Variants in EAF2 observed in about 807,000 individuals in gnomAD.
EAF2 encodes ELL associated factor 2, also known as ELL-associated factor 2.
Under a neutral mutation model 29.4 loss-of-function variants are expected in EAF2, and 29 were observed. The ratio of observed to expected loss-of-function variants is 0.99; its 90% CI spans 0.73 to 1.35. The LOEUF (loss-of-function observed/expected upper bound fraction) is 1.35. EAF2 is among the 40% of genes most tolerant of loss of function. The pLI is 0.00. For synonymous variants in EAF2, 103 were observed against 102.5 expected, an observed-to-expected ratio of 1.00 and a Z score of -0.03; for missense variants, 292 against 312.0, an observed-to-expected ratio of 0.94 and a Z score of 0.48.
In EAF2 at chr3:121,883,572, G is replaced by A. The variant is rs73181845; in HGVS notation, c.737-2770G>A. On this transcript the variant is annotated intron_variant, in intron 5 of 5. Coordinates refer to ENST00000273668, the MANE Select transcript of EAF2 (RefSeq NM_018456.6). Reference sequence around the variant, plus strand: ...CCACCCGACTTTCAAAAATTTCACAGAATGTAGAAGAGTTCTTTATTGTGC... The same window carrying A: ...CCACCCGACTTTCAAAAATTTCACAAAATGTAGAAGAGTTCTTTATTGTGC... 4.6e-3 allele frequency among the ~76,000 whole-genome samples: 699 copies of A among 152,304 alleles called. 3 individuals are homozygous for A. Among genetic ancestry groups the A allele is most frequent in the Middle Eastern group, 6.8e-3 (2 of 294 alleles).
intron 1 of EAF2, chr3:121,836,658 G>GAGAT: frequency 3.0e-6 from 3 of 987,790 alleles, no homozygotes; most frequent in South Asian, 9.4e-5. Flanking sequence ...TCCCCACGAT[G>GAGAT]AGATGGTGCT....
chr3:121,838,282 G>T (rs1340364860), intron 1 of EAF2, among the ~76,000 whole-genome samples: 1 of 152,128 alleles, frequency 6.6e-6, no homozygotes. Flanking sequence ...TGGTAAAGTT[G>T]GTGGTAGGGT....
chr3:121,877,942 C>T (rs1709129388), intron 5 of EAF2, among the ~76,000 whole-genome samples: 1 of 151,830 alleles, frequency 6.6e-6, no homozygotes, highest in Non-Finnish European at 1.5e-5. Context: ...CCACTGTGTC[C>T]AGCTCATTAT....
chr3:121,859,930 T>C (rs9832735), intron 4 of EAF2, among the ~76,000 whole-genome samples: 22,609 of 152,142 alleles, frequency 0.15, 2,088 homozygotes, highest in African/African-American at 0.25. Flanking sequence ...TTGAGATAAT[T>C]GTGTGGTTTT....
chr3:121,852,618 A>T (rs745960807), intron 2 of EAF2, among the ~76,000 whole-genome samples: 1 of 152,070 alleles, frequency 6.6e-6, no homozygotes, highest in Non-Finnish European at 1.5e-5. Flanking sequence ...TCTCTAACCT[A>T]CCCATCTTTT....
chr3:121,851,866 G>T (rs761583819), intron 2 of EAF2, among the ~76,000 whole-genome samples: 4 of 152,194 alleles, frequency 2.6e-5, no homozygotes, highest in Non-Finnish European at 5.9e-5. Flanking sequence ...TAGAGGCAAT[G>T]ATAGTTCATA....
intron 4 of EAF2, among the ~76,000 whole-genome samples, chr3:121,866,027 A>G (rs1384337612): frequency 6.6e-6 from 1 of 152,128 alleles, no homozygotes; most frequent in Non-Finnish European, 1.5e-5. Context: ...TGCCACAACA[A>G]ACACTTTGCT....
chr3:121,845,735 TG>T (rs1410412289), intron 2 of EAF2, among the ~76,000 whole-genome samples: 2 of 151,950 alleles, frequency 1.3e-5, no homozygotes, highest in Non-Finnish European at 2.9e-5. Flanking sequence ...ATTGTGTTTT[TG>T]AAAGAACTTC....
chr3:121,881,595 T>A (rs889510032), intron 5 of EAF2, among the ~76,000 whole-genome samples: 1 of 151,976 alleles, frequency 6.6e-6, no homozygotes, highest in Non-Finnish European at 1.5e-5. Flanking sequence ...CTGCAACCTC[T>A]GCCTCCCAGG....
At chr3:121,840,516 A>AAAAAAAAAC (rs1559816008) in intron 1 of EAF2, among the ~76,000 whole-genome samples, 2 of 108,646 alleles carry the variant, frequency 1.8e-5, no homozygotes, top group Non-Finnish European at 3.9e-5. Flanking sequence ...AAAGAAAAAA[A>AAAAAAAAAC]AAAAACGGGC....
At chr3:121,854,417 T>A (rs752293958) in intron 2 of EAF2, among the ~76,000 whole-genome samples, 17 of 151,900 alleles carry the variant, frequency 1.1e-4, no homozygotes, top group Non-Finnish European at 2.5e-4. Context: ...TCTCAATTAC[T>A]CATTATAGGC....
chr3:121,877,446 G>T (rs922217234), intron 5 of EAF2, among the ~76,000 whole-genome samples: 30 of 151,850 alleles, frequency 2.0e-4, no homozygotes, highest in South Asian at 1.5e-3. Flanking sequence ...AACATTTACA[G>T]AAATTTACCT....
intron 3 of EAF2, among the ~76,000 whole-genome samples, chr3:121,855,897 A>G (rs1166232854): frequency 6.6e-6 from 1 of 152,210 alleles, no homozygotes; most frequent in Non-Finnish European, 1.5e-5. Flanking sequence ...AGGGATTGGC[A>G]TGTTTACAGT....
chr3:121,837,483 C>T (rs1708325245), intron 1 of EAF2: 1 of 152,152 alleles, frequency 6.6e-6, no homozygotes, highest in Admixed American at 6.5e-5. Context: ...ATCCTGGTCT[C>T]CACCACCTAT....
Position 121,854,803 on chromosome 3 carries a change from C to T in EAF2, c.318C>T (p.Asn106=), listed in dbSNP as rs1310560807. 1.9e-6 allele frequency: 3 copies of T among 1,567,126 alleles called. No homozygotes were observed. Among genetic ancestry groups the T allele is most frequent in the South Asian group, 1.2e-5 (1 of 81,064 alleles). The change falls in exon 3 of 6, where the codon AAC becomes AAT. Residue 106 remains asparagine, a synonymous_variant. Coordinates refer to ENST00000273668, the MANE Select transcript of EAF2 (RefSeq NM_018456.6). ...GECRLEKLSS[N]ITVKKTRVEG... ...GTCGGCTAGAAAAACTCAGCAGCAA[C>T]ATCACTGTAAAAAAAACAAGGTATG...
At chr3:121,852,261 T>C (rs1271398209) in intron 2 of EAF2, among the ~76,000 whole-genome samples, 1 of 152,226 alleles carries the variant, frequency 6.6e-6, no homozygotes, top group Non-Finnish European at 1.5e-5. Flanking sequence ...CAGATATCAT[T>C]AAGAATATCT....
chr3:121,854,361 C>T (rs1708683448), intron 2 of EAF2, among the ~76,000 whole-genome samples: 1 of 149,514 alleles, frequency 6.7e-6, no homozygotes, highest in African/African-American at 2.5e-5. Context: ...TGATTCAAGG[C>T]TCTGTTTCCT....
At chr3:121,881,236 T>C (rs965601665) in intron 5 of EAF2, among the ~76,000 whole-genome samples, 3 of 152,194 alleles carry the variant, frequency 2.0e-5, no homozygotes, top group African/African-American at 7.2e-5. Flanking sequence ...AGAATGAGTT[T>C]GGAAGAATTC....
intron 2 of EAF2, among the ~76,000 whole-genome samples, chr3:121,852,037 A>T (rs1708644286): frequency 6.6e-6 from 1 of 152,192 alleles, no homozygotes; most frequent in Non-Finnish European, 1.5e-5. Context: ...GCAGGTGTAG[A>T]GATTATGAAA....
Sources: gnomAD v4.1 joint callset for allele counts (sites outside exome capture counted in the v4.1 genomes callset) on GRCh38, gnomAD v4.1.1 for gene constraint, MANE v1.5 for transcripts, NCBI Gene and HGNC (gene_info 2026-07-23, HGNC 2026-07-21) for gene names.